Variants in PLIN2 observed in about 807,000 individuals in gnomAD.
PLIN2 encodes the protein perilipin-2.
A neutral mutation model predicts 30.6 loss-of-function variants in PLIN2; 33 were observed. The observed-to-expected ratio is 1.08, with a 90% CI of 0.82 to 1.44. The LOEUF (loss-of-function observed/expected upper bound fraction) is 1.44, where lower values mean the gene tolerates loss of function less well. Ranked by LOEUF, PLIN2 falls within the 40% of genes most tolerant of loss-of-function variation. The probability of loss-of-function intolerance (pLI) is 0.00; values close to 1 mark genes in which losing one functional copy is unlikely to be tolerated. For missense variants in PLIN2, 610 were observed against 531.8 expected, an observed-to-expected ratio of 1.15 and a Z score of -1.45; for synonymous variants, 205 against 201.1, an observed-to-expected ratio of 1.02 and a Z score of -0.16.
chr9:19,112,174 T>TAA (rs1818167893), downstream of PLIN2, among the ~76,000 whole-genome samples: 1 of 152,200 alleles, frequency 6.6e-6, no homozygotes, highest in Non-Finnish European at 1.5e-5. Context: ...CTTTGCATTT[T>TAA]TGCATAGGAC....
In PLIN2 at chr9:19,115,984, T is replaced by C. The variant is rs1039321449; in HGVS notation, c.*264A>G. On this transcript the variant is annotated 3_prime_UTR_variant, in exon 8 of 8. Transcript: ENST00000276914. Reference sequence around the variant, plus strand: ...CAGAGGCAACACAATGGCCATAGAATGAGAACATAAGTGCATTTGAATTTT... The same window carrying C: ...CAGAGGCAACACAATGGCCATAGAACGAGAACATAAGTGCATTTGAATTTT... 1.5e-5 allele frequency: 5 copies of C among 326,844 alleles called. No individual in the cohort carries two copies. The highest frequency in any genetic ancestry group is 5.6e-5 in the East Asian group (1 of 17,892). 20.2% of individuals were successfully genotyped at this position (326,844 alleles called of 1,614,324 possible).
downstream of PLIN2, among the ~76,000 whole-genome samples, chr9:19,111,270 A>C (rs1490489260): frequency 6.6e-6 from 1 of 152,080 alleles, no homozygotes; most frequent in Admixed American, 6.6e-5. Context: ...GCTGCCGTTG[A>C]ACTCCTGGCC....
chr9:19,123,649 T>C lies in PLIN2; in HGVS notation c.227-2A>G. On this transcript the variant is annotated splice_acceptor_variant, in intron 3 of 7. Transcript: ENST00000276914. LOFTEE classifies it high-confidence loss of function. ...AGGCATAGGTATTGGCAACTGCAAC[T>C]AGAATCACAAATGGGAAAATGTTAA... is the stretch of plus-strand genomic sequence containing the variant. 2.5e-6 allele frequency: 4 copies of C among 1,610,542 alleles called. 1 individual carries two copies. In the South Asian group the frequency reaches 4.4e-5, roughly 18 times the overall value.
At position 19,116,208 on chromosome 9, in the gene PLIN2, ATCTG is replaced by A; in HGVS notation, c.*36_*39del. On this transcript the variant is annotated 3_prime_UTR_variant, in exon 8 of 8. Coordinates refer to ENST00000276914, the MANE Select transcript of PLIN2 (RefSeq NM_001122.4). ...TAATTTCAACATAACAAAAGGTGTCATCTGTCTGGCCACAGCATGCACTAGTGAT... is the reference window on the plus strand; with the variant it reads ...TAATTTCAACATAACAAAAGGTGTCATCTGGCCACAGCATGCACTAGTGAT... The A allele has an allele frequency of 6.6e-7, 1 of 1,513,628 alleles. No homozygotes were observed. The allele number at this position is 1,513,628 out of a possible 1,614,324, so 93.8% of individuals were successfully genotyped here. A position where few individuals can be genotyped will look rare whatever the true frequency, so the allele number is the denominator to read the frequency against.
chr9:19,123,456 G>T, intron 4 of PLIN2, 109 bp downstream of exon 4: 1 of 1,574,826 alleles, frequency 6.3e-7, no homozygotes, highest in Admixed American at 1.9e-5. Flanking sequence ...CCAGATCCAG[G>T]TTGGGAAAAC....
Position 19,121,053 on chromosome 9 carries a change from G to C in PLIN2, c.422C>G (p.Thr141Ser). The C allele has an allele frequency of 1.2e-6, 2 of 1,614,124 alleles. No individual in the cohort carries two copies. Among genetic ancestry groups the C allele is most frequent in the South Asian group, 1.1e-5 (1 of 91,090 alleles). The change falls in exon 5 of 8, where the codon ACC becomes AGC. Residue 141 changes from threonine (T) to serine (S), a missense_variant. Thr to Ser is a moderately conservative substitution (Grantham distance 58). Coordinates refer to ENST00000276914, the MANE Select transcript of PLIN2 (RefSeq NM_001122.4). ...ASTITGVMDK[T>S]KGAVTGSVEK... is the part of the protein sequence containing the mutation. The stretch of plus-strand genomic sequence containing the variant: ...CACACTGCCAGTCACTGCCCCTTTG[G>C]TCTTGTCCATCACCCCTGTGATCGT...
At chr9:19,118,476 C>CA in intron 6 of PLIN2, 21 bp from the exon 7 acceptor site, 1 of 1,606,746 alleles carries the variant, frequency 6.2e-7, no homozygotes, top group Non-Finnish European at 8.5e-7. Context: ...TGAAACAAGA[C>CA]AAAGGAACAC....
intron 6 of PLIN2, 29 bp from the exon 7 acceptor site, chr9:19,118,484 C>T (rs1265064074): frequency 3.1e-6 from 5 of 1,600,618 alleles, no homozygotes; most frequent in Non-Finnish European, 4.3e-6. Context: ...GACAAAGGAA[C>T]ACACAAGTCA....
downstream of PLIN2, among the ~76,000 whole-genome samples, chr9:19,112,702 T>C (rs1818172793): frequency 8.9e-6 from 1 of 112,778 alleles, no homozygotes; most frequent in East Asian, 2.5e-4. Flanking sequence ...CAAGAGCCCA[T>C]CTCAAAAAAA....
At chr9:19,117,285 C>G (rs900495281) in intron 7 of PLIN2, among the ~76,000 whole-genome samples, 1 of 152,008 alleles carries the variant, frequency 6.6e-6, no homozygotes, top group Non-Finnish European at 1.5e-5. Context: ...CTCAGCCTCT[C>G]GAGCAACTAG....
chr9:19,121,335 C>A (rs1397044187), intron 4 of PLIN2, among the ~76,000 whole-genome samples, 170 bp from the exon 5 acceptor site: 1 of 152,042 alleles, frequency 6.6e-6, no homozygotes, highest in Non-Finnish European at 1.5e-5. Flanking sequence ...CTGAATTTCC[C>A]TATCAAGTAT....
In PLIN2 at chr9:19,116,331, CA is replaced by C. The variant is rs1362378134; in HGVS notation, c.1230del (p.Glu411SerfsTer61). 6.2e-7 allele frequency: 1 copy of C among 1,613,898 alleles called. No individual in the cohort carries two copies. The highest frequency in any genetic ancestry group is 8.5e-7 in the Non-Finnish European group (1 of 1,179,982). On this transcript the variant is annotated frameshift_variant, in exon 8 of 8. Coordinates refer to ENST00000276914, the MANE Select transcript of PLIN2 (RefSeq NM_001122.4). LOFTEE classifies it low-confidence loss of function (END_TRUNC). The stretch of plus-strand genomic sequence containing the variant: ...CCTTGGTCCTGAGCATTCTGAGACT[CA>C]GTCAGCTGAGGATAAAAGGGACCTA... ...WLVGPFYPQL[T>X]ESQNAQDQGA...
At chr9:19,118,550 C>T in intron 6 of PLIN2, 95 bp from the exon 7 acceptor site, 1 of 1,129,084 alleles carries the variant, frequency 8.9e-7, no homozygotes, top group Non-Finnish European at 1.3e-6. Context: ...AACATAAAAA[C>T]TAAGAATTTC....
intron 1 of PLIN2, among the ~76,000 whole-genome samples, chr9:19,126,991 T>C (rs1382981598): frequency 6.6e-6 from 1 of 151,754 alleles, no homozygotes; most frequent in African/African-American, 2.4e-5. Context: ...GCAGTGAGCC[T>C]AGATGGCGTC....
At chr9:19,112,390 T>G (rs1407049335), downstream of PLIN2, among the ~76,000 whole-genome samples, 1 of 152,108 alleles carries the variant, frequency 6.6e-6, no homozygotes, top group Non-Finnish European at 1.5e-5. Context: ...TTTCTGCCAG[T>G]TTATGCAACA....
downstream of PLIN2, among the ~76,000 whole-genome samples, chr9:19,113,596 T>C (rs1818183880): frequency 7.0e-6 from 1 of 142,674 alleles, no homozygotes; most frequent in African/African-American, 2.9e-5. Flanking sequence ...TTTTTTTTTT[T>C]TGAGACAGGG....
intron 4 of PLIN2, among the ~76,000 whole-genome samples, chr9:19,121,823 T>C (rs947920874): frequency 1.3e-5 from 2 of 152,074 alleles, no homozygotes; most frequent in African/African-American, 4.8e-5. Context: ...CCCAGCTACT[T>C]GGGAGACTGA....
intron 3 of PLIN2, among the ~76,000 whole-genome samples, chr9:19,125,301 C>A (rs533009026): frequency 1.5e-4 from 23 of 152,322 alleles, no homozygotes; most frequent in African/African-American, 5.5e-4. Context: ...ACCTGTAGTC[C>A]TAGCACTTTG....
chr9:19,123,396 G>C (rs1054536968), intron 4 of PLIN2, 169 bp downstream of exon 4: 1 of 1,551,538 alleles, frequency 6.4e-7, no homozygotes, highest in South Asian at 1.2e-5. Flanking sequence ...GATACAACTT[G>C]ACAACAGTTC....
Sources: gnomAD v4.1 joint callset for allele counts (sites outside exome capture counted in the v4.1 genomes callset) on GRCh38, gnomAD v4.1.1 for gene constraint, MANE v1.5 for transcripts, NCBI Gene and HGNC (gene_info 2026-07-23, HGNC 2026-07-21) for gene names.